Variants in COL13A1 observed in about 807,000 individuals in gnomAD.
COL13A1 encodes the protein collagen type XIII alpha 1 chain, also known as collagen alpha-1(XIII) chain.
In COL13A1, 89 loss-of-function variants were observed where a neutral mutation model predicts 130.9. The observed-to-expected ratio is 0.68, with a 90% CI of 0.57 to 0.81. The LOEUF is 0.81. COL13A1 is among the 30% of genes least tolerant of loss of function. The pLI is 0.00. For synonymous variants in COL13A1, 402 were observed against 341.6 expected, an observed-to-expected ratio of 1.18 and a Z score of -1.95; for missense variants, 879 against 934.6, an observed-to-expected ratio of 0.94 and a Z score of 0.78.
intron 38 of COL13A1, among the ~76,000 whole-genome samples, chr10:69,947,660 G>C (rs2068758716): frequency 6.6e-6 from 1 of 152,122 alleles, no homozygotes; most frequent in Non-Finnish European, 1.5e-5. Context: ...GGGCCCCTAC[G>C]TGATCATTTT....
intron 38 of COL13A1, among the ~76,000 whole-genome samples, chr10:69,951,102 G>A (rs1308279195): frequency 2.6e-5 from 4 of 151,946 alleles, no homozygotes; most frequent in Admixed American, 6.6e-5. Context: ...GCCCGCCTCC[G>A]CCTCCCAAAG....
rs1224911977 is a variant in COL13A1 at position 69,806,501 on chromosome 10, C to T, written c.294+3784C>T. On this transcript the variant is annotated intron_variant, in intron 1 of 40. Transcript: ENST00000645393. Reference sequence around the variant, plus strand: ...GGCGGGAGCCAGCTCTGTGGGGAACCAGGAGTGTGCTTTCCAGACCTCAGG... The same window carrying T: ...GGCGGGAGCCAGCTCTGTGGGGAACTAGGAGTGTGCTTTCCAGACCTCAGG... 2.0e-5 allele frequency among the ~76,000 whole-genome samples: 3 copies of T among 152,194 alleles called. No homozygotes were observed. In the East Asian group the frequency reaches 5.8e-4, roughly 29 times the overall value.
intron 17 of COL13A1, among the ~76,000 whole-genome samples, chr10:69,909,930 G>T (rs2063181590): frequency 6.6e-6 from 1 of 152,210 alleles, no homozygotes; most frequent in African/African-American, 2.4e-5. Flanking sequence ...TTTGCCCAAG[G>T]TTGCACAGCT....
intron 27 of COL13A1, among the ~76,000 whole-genome samples, chr10:69,928,096 G>A (rs1037341698): frequency 2.0e-5 from 3 of 152,188 alleles, no homozygotes; most frequent in Non-Finnish European, 2.9e-5. Context: ...AGGTTGCAGT[G>A]AGTCGAGACT....
At chr10:69,804,732 G>A (rs1301245461) in intron 1 of COL13A1, among the ~76,000 whole-genome samples, 1 of 140,360 alleles carries the variant, frequency 7.1e-6, no homozygotes, top group Non-Finnish European at 1.5e-5. Flanking sequence ...CATTGTGGGA[G>A]ACACTTTTGC....
intron 38 of COL13A1, among the ~76,000 whole-genome samples, chr10:69,948,790 G>C: frequency 6.6e-6 from 1 of 152,124 alleles, no homozygotes; most frequent in East Asian, 1.9e-4. Context: ...TGCTCTAGAG[G>C]TGGAGGCAGG....
intron 2 of COL13A1, among the ~76,000 whole-genome samples, chr10:69,866,189 A>G (rs2058495547): frequency 6.6e-6 from 1 of 152,196 alleles, no homozygotes; most frequent in Non-Finnish European, 1.5e-5. Flanking sequence ...ACCTGGCTGC[A>G]TCTGGTGACA....
At chr10:69,917,425 C>T in intron 18 of COL13A1, 92 bp downstream of exon 18, 1 of 1,188,374 alleles carries the variant, frequency 8.4e-7, no homozygotes, top group Non-Finnish European at 1.2e-6. Flanking sequence ...ACTCTGGAGT[C>T]CCAGCTCTTT....
At position 69,924,949 on chromosome 10, in the gene COL13A1, T is replaced by C; in HGVS notation, c.1285-14T>C. The C allele has an allele frequency of 6.3e-7, 1 of 1,580,420 alleles. No individual in the cohort carries two copies. Among genetic ancestry groups the C allele is most frequent in the Non-Finnish European group, 8.6e-7 (1 of 1,164,766 alleles). On this transcript the variant is annotated splice_polypyrimidine_tract_variant and intron_variant, in intron 24 of 40. Transcript: ENST00000645393. ...ACTTTATCCCCACTTTGCTCCAATTTTGTCATGCAACAGGGGGAGCGTGGA... is the reference window on the plus strand; with the variant it reads ...ACTTTATCCCCACTTTGCTCCAATTCTGTCATGCAACAGGGGGAGCGTGGA...
intron 14 of COL13A1, among the ~76,000 whole-genome samples, chr10:69,899,169 C>A (rs1294442511): frequency 6.6e-6 from 1 of 152,130 alleles, no homozygotes; most frequent in East Asian, 1.9e-4. Flanking sequence ...GGATTTGTAC[C>A]CAGTCTCTCT....
At chr10:69,833,807 G>A (rs1346261733) in intron 2 of COL13A1, among the ~76,000 whole-genome samples, 5 of 152,202 alleles carry the variant, frequency 3.3e-5, no homozygotes, top group South Asian at 2.1e-4. Context: ...GATCTGGAGC[G>A]GTTGTAGTAA....
At chr10:69,821,165 A>G (rs1336995589) in intron 1 of COL13A1, among the ~76,000 whole-genome samples, 1 of 152,226 alleles carries the variant, frequency 6.6e-6, no homozygotes, top group Non-Finnish European at 1.5e-5. Context: ...CAGGTCTTTC[A>G]GTTAGTTTTT....
intron 2 of COL13A1, among the ~76,000 whole-genome samples, chr10:69,862,739 C>T (rs1858515986): frequency 6.6e-6 from 1 of 152,186 alleles, no homozygotes; most frequent in Non-Finnish European, 1.5e-5. Flanking sequence ...CAAGTACCAG[C>T]CCAGTGATGC....
At chr10:69,860,741 C>T (rs1186977749) in intron 2 of COL13A1, 1 of 259,542 alleles carries the variant, frequency 3.9e-6, no homozygotes, top group Non-Finnish European at 7.6e-6. Flanking sequence ...TTTTCCTGAG[C>T]CCCAGGCTGC....
In COL13A1 at chr10:69,917,686, G is replaced by A. The variant is rs116351925; in HGVS notation, c.966+353G>A. Among the ~76,000 whole-genome samples, 245 of 147,132 alleles carry A rather than the reference G, an allele frequency of 1.7e-3. 1 individual carries two copies. Among genetic ancestry groups the A allele is most frequent in the African/African-American group, 5.8e-3 (230 of 39,748 alleles). The stretch of plus-strand genomic sequence containing the variant: ...TCAAAGTGAAATGATATCAGGTGAT[G>A]TGAAAACAGGGTTTTCATATCAGCT... On this transcript the variant is annotated intron_variant, in intron 18 of 40. Transcript: ENST00000645393.
At chr10:69,806,738 G>A (rs932490262) in intron 1 of COL13A1, among the ~76,000 whole-genome samples, 27 of 152,234 alleles carry the variant, frequency 1.8e-4, no homozygotes, top group Non-Finnish European at 2.9e-5. Flanking sequence ...CGGGTGCAGT[G>A]GCTCATGCCT....
At chr10:69,925,138 T>A in intron 25 of COL13A1, 131 bp downstream of exon 25, 1 of 903,604 alleles carries the variant, frequency 1.1e-6, no homozygotes. Flanking sequence ...AAGAGACAGG[T>A]CTGTGCCTTT....
chr10:69,903,627 G>A (rs1374802337), intron 15 of COL13A1, among the ~76,000 whole-genome samples: 1 of 152,228 alleles, frequency 6.6e-6, no homozygotes, highest in Non-Finnish European at 1.5e-5. Flanking sequence ...GGAGAGGCAG[G>A]TAAAGGGCAA....
chr10:69,925,282 C>G (rs2065204390), intron 25 of COL13A1, among the ~76,000 whole-genome samples: 2 of 152,208 alleles, frequency 1.3e-5, no homozygotes, highest in African/African-American at 4.8e-5. Flanking sequence ...ATGTATTAGT[C>G]TCACGCTCAG....
Sources: gnomAD v4.1 joint callset for allele counts (sites outside exome capture counted in the v4.1 genomes callset) on GRCh38, gnomAD v4.1.1 for gene constraint, MANE v1.5 for transcripts, NCBI Gene and HGNC (gene_info 2026-07-23, HGNC 2026-07-21) for gene names.